Variants in IL1RAPL1 observed in about 807,000 individuals in gnomAD.
IL1RAPL1 encodes interleukin 1 receptor accessory protein like 1.
Under a neutral mutation model 48.4 loss-of-function variants are expected in IL1RAPL1, and 3 were observed. That is an observed-to-expected ratio of 0.06 (90% CI 0.03 to 0.16). The LOEUF (loss-of-function observed/expected upper bound fraction) is 0.16. Among genes scored for constraint, IL1RAPL1 ranks in the 10% least tolerant of loss-of-function variants. IL1RAPL1 has a pLI of 1.00. For synonymous variants in IL1RAPL1, 185 were observed against 187.7 expected (o/e 0.99, Z 0.12); for missense variants, 349 against 530.6 (o/e 0.66, Z 3.36).
At chrX:29,059,988 T>C (rs1044097687) in intron 2 of IL1RAPL1, among the ~76,000 whole-genome samples, 3 of 111,913 alleles carry the variant, frequency 2.7e-5, no homozygotes, top group African/African-American at 9.7e-5. Context: ...TCAATGTCAG[T>C]TGATCATGTT....
chrX:29,272,868 T>G lies in IL1RAPL1; in HGVS notation c.83-10070T>G, dbSNP rs113769804. Among the ~76,000 whole-genome samples the G allele has an allele frequency of 8.8e-3, 987 of 112,153 alleles. 11 individuals carry two copies. Among genetic ancestry groups the G allele is most frequent in the Non-Finnish European group, 0.014 (750 of 53,222 alleles). ...TCTTTTTTCTTTATTTTTGTCTGAT[T>G]GACTTAATTCAGATAACCAGTCTTC... On this transcript the variant is annotated intron_variant, in intron 2 of 10. Coordinates refer to ENST00000378993, the MANE Select transcript of IL1RAPL1 (RefSeq NM_014271.4).
rs145942786 is a variant in IL1RAPL1 at position 29,569,174 on chromosome X, G to A, written c.704-99256G>A. On this transcript the variant is annotated intron_variant, in intron 5 of 10. Transcript: ENST00000378993. ...TTATATTTTCTAGTTTGGTGATTTC[G>A]ACCATTGAAGTGTTCTTCATTCCAC... 4.5e-3 allele frequency among the ~76,000 whole-genome samples: 504 copies of A among 111,098 alleles called. 1 individual carries two copies. The highest frequency in any genetic ancestry group is 0.016 in the African/African-American group (479 of 30,616).
chrX:28,824,668 T>G (rs760445083), intron 2 of IL1RAPL1, among the ~76,000 whole-genome samples: 11 of 111,497 alleles, frequency 9.9e-5, no homozygotes, highest in African/African-American at 3.6e-4. Flanking sequence ...AAAGTATAAA[T>G]AATAGCATTA....
chrX:29,652,682 A>C (rs1925556025), intron 5 of IL1RAPL1, among the ~76,000 whole-genome samples: 2 of 111,628 alleles, frequency 1.8e-5, no homozygotes, highest in South Asian at 7.5e-4. Context: ...GTTAAAATGC[A>C]AAAAATGTGA....
At position 28,612,758 on chromosome X, in the gene IL1RAPL1, T is replaced by C. The variant is rs747596586; in HGVS notation, c.-25+24711T>C. ...CAAAGTCATAGAGATGAAAAAGCTT[T>C]AAACACTAGTAGAGAATGGCTATAA... On this transcript the variant is annotated intron_variant, in intron 1 of 10. Coordinates refer to ENST00000378993, the MANE Select transcript of IL1RAPL1 (RefSeq NM_014271.4). Among the ~76,000 whole-genome samples the C allele has an allele frequency of 4.5e-5, 5 of 112,241 alleles. No homozygotes were observed. The South Asian group carries it at 1.9e-3, about 42-fold the overall frequency.
Position 28,775,006 on chromosome X carries a change from T to A in IL1RAPL1, c.-24-14314T>A, listed in dbSNP as rs191739819. Among the ~76,000 whole-genome samples, 4 of 112,335 alleles carry A rather than the reference T, an allele frequency of 3.6e-5. No homozygotes were observed. The East Asian group carries it at 8.4e-4, about 24-fold the overall frequency. ...AGTCTGATGACCTTCCATCATTACC[T>A]TTGTTAAAATTGTAGTCTAAGATGA... On this transcript the variant is annotated intron_variant, in intron 1 of 10. Coordinates refer to ENST00000378993, the MANE Select transcript of IL1RAPL1 (RefSeq NM_014271.4).
rs769557314 is a variant in IL1RAPL1, at chrX:29,279,644, G to A, written c.83-3294G>A. 9.0e-5 allele frequency among the ~76,000 whole-genome samples: 10 copies of A among 111,018 alleles called. 1 individual carries two copies. Among genetic ancestry groups the A allele is most frequent in the South Asian group, 3.8e-4 (1 of 2,642 alleles). ...ATGAACACCAAGTGTCTCTAATGTC[G>A]TCCAAAGTGCCATTTCTTCATTTTG... On this transcript the variant is annotated intron_variant, in intron 2 of 10. Transcript: ENST00000378993.
chrX:28,837,368 A>G (rs112980953), intron 2 of IL1RAPL1, among the ~76,000 whole-genome samples: 1 of 111,244 alleles, frequency 9.0e-6, no homozygotes, highest in Non-Finnish European at 1.9e-5. Context: ...TGGCTTTTAT[A>G]AAAGGGGCCT....
intron 6 of IL1RAPL1, among the ~76,000 whole-genome samples, chrX:29,905,673 G>C (rs991218130): frequency 1.8e-5 from 2 of 111,100 alleles, no homozygotes; most frequent in South Asian, 7.7e-4. Context: ...GAAAAAAAGG[G>C]GGATAAGGAG....
chrX:28,873,523 C>CTTTTTTTTTT (rs10554661), intron 2 of IL1RAPL1, among the ~76,000 whole-genome samples: 8 of 56,679 alleles, frequency 1.4e-4, no homozygotes, highest in African/African-American at 4.8e-4. Context: ...TTCTTTCTTT[C>CTTTTTTTTTT]TTTTTTTTTT....
chrX:29,710,234 G>T (rs58141997), intron 6 of IL1RAPL1, among the ~76,000 whole-genome samples: 1 of 111,015 alleles, frequency 9.0e-6, no homozygotes, highest in Non-Finnish European at 1.9e-5. Flanking sequence ...TCCTTGTCTT[G>T]TTCTTGATCT....
At chrX:29,229,094 A>T (rs1931145594) in intron 2 of IL1RAPL1, among the ~76,000 whole-genome samples, 1 of 112,101 alleles carries the variant, frequency 8.9e-6, no homozygotes, top group African/African-American at 3.2e-5. Flanking sequence ...AGAATGAGAA[A>T]AATAAGCAAC....
chrX:28,693,185 C>T (rs751446205), intron 1 of IL1RAPL1, among the ~76,000 whole-genome samples: 130 of 112,227 alleles, frequency 1.2e-3, no homozygotes, highest in Non-Finnish European at 2.2e-3. Flanking sequence ...TGCCTCTTTA[C>T]TGGTACCCCC....
intron 6 of IL1RAPL1, among the ~76,000 whole-genome samples, chrX:29,767,393 C>A (rs1257820875): frequency 8.9e-6 from 1 of 111,983 alleles, no homozygotes; most frequent in Non-Finnish European, 1.9e-5. Context: ...CTTAATAATA[C>A]CGTCATTGAA....
At chrX:29,547,281 GCTTC>G (rs1303555010) in intron 5 of IL1RAPL1, among the ~76,000 whole-genome samples, 1 of 110,963 alleles carries the variant, frequency 9.0e-6, no homozygotes, top group East Asian at 2.8e-4. Context: ...TTTTAACTCT[GCTTC>G]CTTAACTGCA....
intron 5 of IL1RAPL1, among the ~76,000 whole-genome samples, chrX:29,519,559 C>G (rs1935481584): frequency 8.9e-6 from 1 of 111,989 alleles, no homozygotes. Flanking sequence ...ATCTTTTTAA[C>G]TTCCCTACTT....
intron 6 of IL1RAPL1, among the ~76,000 whole-genome samples, chrX:29,824,383 C>T (rs1930686077): frequency 8.9e-6 from 1 of 111,808 alleles, no homozygotes; most frequent in Non-Finnish European, 1.9e-5. Flanking sequence ...TCGGTAGTAG[C>T]GTCATCCCAC....
At chrX:29,337,828 C>T (rs1397454386) in intron 3 of IL1RAPL1, among the ~76,000 whole-genome samples, 1 of 109,956 alleles carries the variant, frequency 9.1e-6, no homozygotes, top group African/African-American at 3.3e-5. Context: ...GTGCCCGTCA[C>T]CACGCCCGGC....
intron 2 of IL1RAPL1, among the ~76,000 whole-genome samples, chrX:29,179,390 AT>A (rs1158704584): frequency 9.0e-6 from 1 of 111,677 alleles, no homozygotes; most frequent in East Asian, 2.8e-4. Flanking sequence ...TGATTTGGCA[AT>A]AAAAAATCCT....
Sources: gnomAD v4.1 joint callset for allele counts (sites outside exome capture counted in the v4.1 genomes callset) on GRCh38, gnomAD v4.1.1 for gene constraint, MANE v1.5 for transcripts, NCBI Gene and HGNC (gene_info 2026-07-23, HGNC 2026-07-21) for gene names.